Variants in ARHGAP44 observed in about 807,000 individuals in gnomAD.
The protein encoded by ARHGAP44 is rho GTPase-activating protein 44.
In ARHGAP44, 43 loss-of-function variants were observed where a neutral mutation model predicts 106.8. That is an observed-to-expected ratio of 0.40 (90% CI 0.32 to 0.52). The LOEUF is 0.52. ARHGAP44 is among the 20% of genes least tolerant of loss of function. ARHGAP44 has a pLI of 0.48. For missense variants in ARHGAP44, 866 were observed against 1,050.5 expected, an observed-to-expected ratio of 0.82 and a Z score of 2.43; for synonymous variants, 439 against 410.3, an observed-to-expected ratio of 1.07 and a Z score of -0.85.
At chr17:12,931,841 T>C (rs1598075568) in intron 7 of ARHGAP44, among the ~76,000 whole-genome samples, 1 of 146,304 alleles carries the variant, frequency 6.8e-6, no homozygotes, top group Admixed American at 6.9e-5. Context: ...ACAGTAGGGA[T>C]ACACACACAC....
At chr17:12,819,199 A>C (rs773623257) in intron 1 of ARHGAP44, among the ~76,000 whole-genome samples, 2 of 152,094 alleles carry the variant, frequency 1.3e-5, no homozygotes, top group Non-Finnish European at 2.9e-5. Flanking sequence ...ATCATATGGC[A>C]TGTGTTCTTT....
chr17:12,902,203 T>G (rs2037393588), intron 3 of ARHGAP44, among the ~76,000 whole-genome samples: 1 of 152,164 alleles, frequency 6.6e-6, no homozygotes, highest in South Asian at 2.1e-4. Flanking sequence ...CTGGGCTTCC[T>G]TCCCCTCTGT....
chr17:12,958,830 G>T lies in ARHGAP44; in HGVS notation c.1456G>T (p.Glu486Ter). The change falls in exon 16 of 21, where the codon GAG (glutamate) becomes TAG (stop). Residue 486 changes from glutamate to a stop codon, truncating the protein, a stop_gained. Coordinates refer to ENST00000379672, the MANE Select transcript of ARHGAP44 (RefSeq NM_014859.6). LOFTEE classifies it high-confidence loss of function. This position sits in a 1 kb window ranked among gnomAD's most constrained non-coding sequence, Gnocchi z 4.1. The stretch of plus-strand genomic sequence containing the variant: ...GGACCCTGCTGACCGGCGCCAGCCC[G>T]AGCAGGCCCGCCGGCCCCTCAGCGT... Reference protein sequence around the residue: ...DMDPADRRQPEQARRPLSVAT... With the variant: ...DMDPADRRQP The T allele has an allele frequency of 6.3e-7, 1 of 1,588,186 alleles. No homozygotes were observed.
intron 10 of ARHGAP44, among the ~76,000 whole-genome samples, chr17:12,948,210 T>G (rs963979724): frequency 4.6e-5 from 7 of 152,222 alleles, no homozygotes; most frequent in African/African-American, 1.7e-4. Context: ...TCTCTTTCGC[T>G]TCATAGCTCC....
chr17:12,810,429 G>C (rs2034403616), intron 1 of ARHGAP44, among the ~76,000 whole-genome samples: 1 of 152,176 alleles, frequency 6.6e-6, no homozygotes, highest in African/African-American at 2.4e-5. Flanking sequence ...TCAGTGATAG[G>C]AGTCTCTTTA....
intron 1 of ARHGAP44, among the ~76,000 whole-genome samples, chr17:12,863,952 A>G (rs914876978): frequency 6.6e-6 from 1 of 152,164 alleles, no homozygotes; most frequent in Non-Finnish European, 1.5e-5. Flanking sequence ...TGGGACCTTA[A>G]CTGGAGCTGA....
In ARHGAP44 at chr17:12,849,005, G is replaced by A. The variant is rs564640043; in HGVS notation, c.54-45935G>A. 1.5e-4 allele frequency among the ~76,000 whole-genome samples: 22 copies of A among 150,614 alleles called. No homozygotes were observed. The South Asian group carries it at 4.6e-3, about 32-fold the overall frequency. On this transcript the variant is annotated intron_variant, in intron 1 of 20. Coordinates refer to ENST00000379672, the MANE Select transcript of ARHGAP44 (RefSeq NM_014859.6). ...GGAGGTTGCAGTGAGCTGAGATGGT[G>A]CCATTGCACTCCAGCCTGGGCAACA...
chr17:12,949,014 G>A lies in ARHGAP44; in HGVS notation c.862-126G>A. The A allele has an allele frequency of 3.3e-6, 3 of 914,928 alleles. No individual in the cohort carries two copies. The South Asian group carries it at 4.5e-5, about 14-fold the overall frequency. The allele number at this position is 914,928 out of a possible 1,614,324, so 56.7% of individuals were successfully genotyped here. ...TGAGAAAGCAGGCAACTGGGGGATTGGGAGATGGTGTTGGGCAAATGCATG... is the reference window on the plus strand; with the variant it reads ...TGAGAAAGCAGGCAACTGGGGGATTAGGAGATGGTGTTGGGCAAATGCATG... On this transcript the variant is annotated intron_variant, in intron 10 of 20. Transcript: ENST00000379672. This position sits in a 1 kb window ranked among gnomAD's most constrained non-coding sequence, Gnocchi z 4.1.
intron 19 of ARHGAP44, among the ~76,000 whole-genome samples, chr17:12,980,754 C>G (rs887626117): frequency 1.3e-5 from 2 of 152,192 alleles, no homozygotes; most frequent in African/African-American, 2.4e-5. Flanking sequence ...CTTCCAAAAG[C>G]TAAAGGTATG....
rs2039610761 is a variant in ARHGAP44 at position 12,974,257 on chromosome 17, C to T, written c.1710C>T (p.Ala570=). ...LPEQPLDSPA[A]PALSPSGLGL... The stretch of plus-strand genomic sequence containing the variant: ...AGCAGCCCCTGGACAGCCCCGCGGC[C>T]CCCGCGCTCTCTCCATCCGGCCTGG... The change falls in exon 18 of 21, where the codon GCC becomes GCT. Residue 570 remains alanine (A), a synonymous_variant. Transcript: ENST00000379672. 6.6e-7 allele frequency: 1 copy of T among 1,513,106 alleles called. No individual in the cohort carries two copies. Among genetic ancestry groups the T allele is most frequent in the Non-Finnish European group, 8.8e-7 (1 of 1,133,070 alleles). 93.7% of individuals were successfully genotyped at this position (1,513,106 alleles called of 1,614,324 possible). A position where few individuals can be genotyped will look rare whatever the true frequency, so the allele number is the denominator to read the frequency against.
chr17:12,939,381 T>A (rs1013426233), intron 7 of ARHGAP44, among the ~76,000 whole-genome samples: 6 of 152,226 alleles, frequency 3.9e-5, no homozygotes, highest in African/African-American at 7.2e-5. Flanking sequence ...GGAAATTCAA[T>A]ACTAAACCTA....
intron 6 of ARHGAP44, among the ~76,000 whole-genome samples, chr17:12,926,292 G>A (rs2038226104): frequency 6.6e-6 from 1 of 151,422 alleles, no homozygotes; most frequent in African/African-American, 2.4e-5. Flanking sequence ...TTGAACCCAG[G>A]AGGTGGAAGT....
At chr17:12,980,292 G>T in intron 19 of ARHGAP44, 59 bp downstream of exon 19, 1 of 1,521,358 alleles carries the variant, frequency 6.6e-7, no homozygotes, top group East Asian at 2.3e-5. Context: ...GACATTCCCT[G>T]AAGGCTCGTT....
chr17:12,984,403 TGTGG>T, intron 19 of ARHGAP44, 124 bp from the exon 20 acceptor site: 2 of 957,044 alleles, frequency 2.1e-6, no homozygotes, highest in Non-Finnish European at 2.8e-6. Context: ...GGCAGGGAGG[TGTGG>T]GTGGGTGGCG....
At chr17:12,818,259 A>G (rs1305852502) in intron 1 of ARHGAP44, among the ~76,000 whole-genome samples, 1 of 151,612 alleles carries the variant, frequency 6.6e-6, no homozygotes, top group Non-Finnish European at 1.5e-5. Context: ...ACAAAATTCA[A>G]AATCCATTCA....
intron 1 of ARHGAP44, among the ~76,000 whole-genome samples, chr17:12,877,008 A>T (rs2036578208): frequency 1.3e-5 from 2 of 152,028 alleles, no homozygotes; most frequent in South Asian, 4.1e-4. Flanking sequence ...AGGGACCAAT[A>T]GTTGCTGAAA....
rs941759845 is a variant in ARHGAP44 at position 12,915,411 on chromosome 17, C to T, written c.276-489C>T. On this transcript the variant is annotated intron_variant, in intron 4 of 20. Coordinates refer to ENST00000379672, the MANE Select transcript of ARHGAP44 (RefSeq NM_014859.6). ...CTTTCTACTCATTCAGGTCTTCTGT[C>T]GTTTGCTCATTATTAATCAACTTTT... Among the ~76,000 whole-genome samples the T allele has an allele frequency of 3.3e-5, 5 of 152,262 alleles. No homozygotes were observed. In the East Asian group the frequency reaches 7.7e-4, roughly 23 times the overall value.
At chr17:12,960,743 T>C (rs1414384192) in intron 16 of ARHGAP44, among the ~76,000 whole-genome samples, 1 of 151,990 alleles carries the variant, frequency 6.6e-6, no homozygotes, top group East Asian at 2.0e-4. Flanking sequence ...TTTGTATTTT[T>C]AGTAGAGATG....
At chr17:12,920,652 G>A (rs536894421) in intron 6 of ARHGAP44, among the ~76,000 whole-genome samples, 1 of 152,124 alleles carries the variant, frequency 6.6e-6, no homozygotes, top group East Asian at 1.9e-4. Flanking sequence ...GGAGGTGAGA[G>A]CCAGGAGGTA....
Sources: gnomAD v4.1 joint callset for allele counts (sites outside exome capture counted in the v4.1 genomes callset) on GRCh38, gnomAD v4.1.1 for gene constraint, Gnocchi (gnomAD v3.1) non-coding constraint, MANE v1.5 for transcripts, NCBI Gene and HGNC (gene_info 2026-07-23, HGNC 2026-07-21) for gene names.